The following CHTF18 variants were observed in gnomAD, a reference collection of about 807,000 sequenced individuals.
CHTF18 encodes chromosome transmission fidelity protein 18 homolog.
In CHTF18, 151 loss-of-function variants were observed where a neutral mutation model predicts 113.4. The ratio of observed to expected loss-of-function variants is 1.33; its 90% CI spans 1.17 to 1.52. CHTF18 has a LOEUF of 1.52. CHTF18 is among the 40% of genes most tolerant of loss of function. The probability of loss-of-function intolerance (pLI) is 0.00; values close to 1 mark genes in which losing one functional copy is unlikely to be tolerated. For synonymous variants in CHTF18, 916 were observed against 598.8 expected, an observed-to-expected ratio of 1.53 and a Z score of -7.74; for missense variants, 1,982 against 1,381.6, an observed-to-expected ratio of 1.43 and a Z score of -6.89.
intron 20 of CHTF18, 137 bp downstream of exon 20, chr16:797,229 T>C: frequency 9.9e-7 from 1 of 1,005,632 alleles, no homozygotes; most frequent in Non-Finnish European, 1.3e-6. Context: ...GGGCCCCTCA[T>C]GAGGCAGGGC....
chr16:795,476 CCGG>C (rs2042314690), intron 16 of CHTF18, 120 bp downstream of exon 16: 1 of 444,226 alleles, frequency 2.3e-6, no homozygotes, highest in African/African-American at 4.0e-5. Context: ...GTGGCTGCCC[CCGG>C]CCCCGTGCCC....
At chr16:793,561 CTGCTGTCCCAGT>C (rs2042259490) in intron 14 of CHTF18, 1 of 569,946 alleles carries the variant, frequency 1.8e-6, no homozygotes, top group African/African-American at 1.9e-5. Flanking sequence ...CTTGACTCAG[CTGCTGTCCCAGT>C]TGCACCCTCA....
rs2042242594 is a variant in CHTF18, at chr16:793,018, G to A, written c.1625G>A (p.Cys542Tyr). 1 of 1,517,032 alleles carries A rather than the reference G, an allele frequency of 6.6e-7. No homozygotes were observed. The highest frequency in any genetic ancestry group is 8.9e-7 in the Non-Finnish European group (1 of 1,124,364). The allele number at this position is 1,517,032 out of a possible 1,614,324, so 94.0% of individuals were successfully genotyped here. The change falls in exon 13 of 22, where the codon TGT becomes TAT. Residue 542 changes from cysteine to tyrosine, a missense_variant. Physicochemically the swap from Cys to Tyr is radical, Grantham distance 194. Transcript: ENST00000262315. ...RADPGVLAALCEKTDNDIRAC... is the reference protein window; with the variant it reads ...RADPGVLAALYEKTDNDIRAC... ...GACCCAGGGGTGCTGGCCGCCCTCTGTGAGAAAACTGACAATGACATCCGG... is the reference window on the plus strand; with the variant it reads ...GACCCAGGGGTGCTGGCCGCCCTCTATGAGAAAACTGACAATGACATCCGG...
Position 792,045 on chromosome 16 carries a change from G to C in CHTF18, c.1202+97G>C. The C allele has an allele frequency of 1.9e-6, 3 of 1,546,536 alleles. No individual in the cohort carries two copies. In the South Asian group the frequency reaches 3.6e-5, roughly 19 times the overall value. ...AACCGGGTGTGGATGTTCCCGTCTT[G>C]AGGGTGGTGGGGGCCTGGGTGTGTG... On this transcript the variant is annotated intron_variant, in intron 9 of 21. Transcript: ENST00000262315.
At chr16:790,105 C>T (rs970827397) in intron 4 of CHTF18, 72 bp from the exon 5 acceptor site, 6 of 1,542,048 alleles carry the variant, frequency 3.9e-6, no homozygotes, top group Middle Eastern at 1.7e-4. Flanking sequence ...GGTCCCTGAG[C>T]ACTGATGGGG....
Position 797,970 on chromosome 16 carries a change from C to G in CHTF18, c.2923C>G (p.Leu975Val), listed in dbSNP as rs1335252297. 3 of 1,610,400 alleles carry G rather than the reference C, an allele frequency of 1.9e-6. No individual in the cohort carries two copies. Among genetic ancestry groups the G allele is most frequent in the Non-Finnish European group, 8.5e-7 (1 of 1,178,456 alleles). The change falls in exon 22 of 22, where the codon CTC becomes GTC. Residue 975 changes from leucine to valine, a missense_variant. By Grantham distance (32) the Leu-to-Val change is conservative. Transcript: ENST00000262315. ...GCGCAGCCTGTACATCAGGGACTTG[C>G]TCTAGTTCTCTGAGCCGCGGACATG... is the stretch of plus-strand genomic sequence containing the variant. ...VRRSLYIRDLL is the reference protein window; with the variant it reads ...VRRSLYIRDLV
Position 797,687 on chromosome 16 carries a change from C to T in CHTF18, c.2734-7C>T, listed in dbSNP as rs745970337. ...CTATACGACTGACTAGTCCTTCCTC[C>T]CATCAGCCTGAGAAGGACTTCTTTG... On this transcript the variant is annotated splice_polypyrimidine_tract_variant and splice_region_variant and intron_variant, in intron 20 of 21. Transcript: ENST00000262315. 1.9e-5 allele frequency: 30 copies of T among 1,611,810 alleles called. No homozygotes were observed. The East Asian group carries it at 2.5e-4, about 13-fold the overall frequency.
intron 14 of CHTF18, chr16:793,740 G>GCTGGC (rs1567401043): frequency 1.5e-6 from 1 of 657,114 alleles, no homozygotes; most frequent in African/African-American, 1.8e-5. Context: ...TATGGGAGAC[G>GCTGGC]CTGGCCTGGG....
Position 792,120 on chromosome 16 carries a change from G to A in CHTF18, c.1203-104G>A, listed in dbSNP as rs539124210. 302 of 1,525,660 alleles carry A rather than the reference G, an allele frequency of 2.0e-4. 4 individuals carry two copies. In the South Asian group the frequency reaches 3.2e-3, roughly 16 times the overall value. 94.5% of individuals were successfully genotyped at this position (1,525,660 alleles called of 1,614,324 possible). A position where few individuals can be genotyped will look rare whatever the true frequency, so the allele number is the denominator to read the frequency against. On this transcript the variant is annotated intron_variant, in intron 9 of 21. Transcript: ENST00000262315. The stretch of plus-strand genomic sequence containing the variant: ...GGGGTTCACGGGATCGGCAGCAGCC[G>A]CGTCATGTGACGGTCTCCACGCAAA...
At position 789,238 on chromosome 16, in the gene CHTF18, G is replaced by C. The variant is rs1238891249; in HGVS notation, c.315G>C (p.Gln105His). Residue 105 changes from glutamine to histidine, a missense_variant, in exon 3 of 22, where the codon CAG (glutamine) becomes CAC (histidine). By Grantham distance (24) the Gln-to-His change is conservative. Coordinates refer to ENST00000262315, the MANE Select transcript of CHTF18 (RefSeq NM_022092.3). ...HAPRIKRPRL[Q>H]VVKRLNFRSE... ...CCAGGATCAAACGGCCTAGGCTGCA[G>C]GTGGTCAAGAGGCTGAACTTCAGAT... 1 of 1,554,526 alleles carries C rather than the reference G, an allele frequency of 6.4e-7. No homozygotes were observed.
In CHTF18 at chr16:797,737, C is replaced by T. The variant is rs1227284371; in HGVS notation, c.2777C>T (p.Ala926Val). ...GGACGTGTGGTCGTCAGGAGCACAG[C>T]AGTCCCGAGTGCAGGTGTGTGTGGG... The part of the protein sequence containing the change: ...FFGRVVVRST[A>V]VPSAGDTAPE... Residue 926 changes from alanine to valine, a missense_variant, in exon 21 of 22, where the codon GCA becomes GTA. Physicochemically the swap from Ala to Val is moderately conservative, Grantham distance 64 (BLOSUM62 0). Transcript: ENST00000262315. The T allele has an allele frequency of 6.2e-7, 1 of 1,603,272 alleles. No homozygotes were observed. Among genetic ancestry groups the T allele is most frequent in the Non-Finnish European group, 8.5e-7 (1 of 1,178,882 alleles).
intron 11 of CHTF18, 39 bp downstream of exon 11, chr16:792,629 T>C (rs755030257): frequency 2.5e-6 from 4 of 1,591,934 alleles, no homozygotes; most frequent in African/African-American, 2.7e-5. Flanking sequence ...GGAGAGGCTC[T>C]GGTGCCTGGA....
At chr16:792,872 G>A in intron 12 of CHTF18, 61 bp downstream of exon 12, 2 of 1,529,506 alleles carry the variant, frequency 1.3e-6, no homozygotes, top group South Asian at 1.2e-5. Context: ...GCCTCGTTCT[G>A]GCCCCTGTTT....
Position 790,661 on chromosome 16 carries a change from G to A in CHTF18, c.889G>A (p.Asp297Asn), listed in dbSNP as rs1206504188. 4 of 1,566,218 alleles carry A rather than the reference G, an allele frequency of 2.6e-6. No homozygotes were observed. The highest frequency in any genetic ancestry group is 2.2e-5 in the East Asian group (1 of 44,516). The stretch of plus-strand genomic sequence containing the variant: ...CCGCCACTACACGGAGCTGCTCAGT[G>A]ATGACGTGAGGTCTTGTTCTCACTC... ...APRHYTELLS[D>N]DFTNRCLLKW... is the part of the protein sequence containing the mutation. The change falls in exon 7 of 22, where the codon GAT becomes AAT. Residue 297 changes from aspartate (D) to asparagine (N), a missense_variant. Physicochemically the swap from Asp to Asn is conservative, Grantham distance 23. Transcript: ENST00000262315.
At chr16:793,752 C>T (rs1014449610) in intron 14 of CHTF18, 2 of 667,240 alleles carry the variant, frequency 3.0e-6, no homozygotes, top group Admixed American at 4.2e-5. Context: ...TGGCCTGGGC[C>T]TGTGGGATGT....
rs78237560 is a variant in CHTF18 at position 792,705 on chromosome 16, C to T, written c.1479-13C>T. ...CCAACCCTGGGGTCCCTGGCCCTGCCGCCTCTCCTCAGGTTCGCACCGTCC... is the reference window on the plus strand; with the variant it reads ...CCAACCCTGGGGTCCCTGGCCCTGCTGCCTCTCCTCAGGTTCGCACCGTCC... On this transcript the variant is annotated splice_polypyrimidine_tract_variant and intron_variant, in intron 11 of 21. Coordinates refer to ENST00000262315, the MANE Select transcript of CHTF18 (RefSeq NM_022092.3). The T allele has an allele frequency of 9.5e-3, 14,898 of 1,570,620 alleles. 843 individuals are homozygous for T. In the African/African-American group the frequency reaches 0.15, roughly 15 times the overall value.
intron 2 of CHTF18, 31 bp from the exon 3 acceptor site, chr16:789,179 G>A (rs1208923633): frequency 1.9e-6 from 3 of 1,550,100 alleles, no homozygotes; most frequent in Non-Finnish European, 2.6e-6. Context: ...GGCTGAGGAG[G>A]CCTCTGGTTC....
Position 794,208 on chromosome 16 carries a change from G to A in CHTF18, c.1950+7G>A, listed in dbSNP as rs376148322. 2.5e-6 allele frequency: 4 copies of A among 1,608,384 alleles called. No individual in the cohort carries two copies. The highest frequency in any genetic ancestry group is 3.4e-6 in the Non-Finnish European group (4 of 1,176,622). On this transcript the variant is annotated splice_region_variant and intron_variant, in intron 15 of 21. Coordinates refer to ENST00000262315, the MANE Select transcript of CHTF18 (RefSeq NM_022092.3). The stretch of plus-strand genomic sequence containing the variant: ...GCACGAGAAGGTGGTCCAGGTACCT[G>A]TCTTCCACCAAAATGCCTGCCTGGG...
In CHTF18 at chr16:790,593, A is replaced by C. The variant is rs754589959; in HGVS notation, c.821A>C (p.Gln274Pro). 5 of 1,597,846 alleles carry C rather than the reference A, an allele frequency of 3.1e-6. No homozygotes were observed. Among genetic ancestry groups the C allele is most frequent in the Non-Finnish European group, 2.6e-6 (3 of 1,173,294 alleles). The change falls in exon 7 of 22, where the codon CAA (glutamine) becomes CCA (proline). Residue 274 changes from glutamine to proline, a missense_variant. Transcript: ENST00000262315. ...CCTGAGGAGGAGCCGACTGACGGTCAAGACGCCTCCAGTCACTGCCTCTGG... is the reference window on the plus strand; with the variant it reads ...CCTGAGGAGGAGCCGACTGACGGTCCAGACGCCTCCAGTCACTGCCTCTGG... Reference protein sequence around the residue: ...GAPEEEPTDGQDASSHCLWVD... With the variant: ...GAPEEEPTDGPDASSHCLWVD...
Sources: allele counts gnomAD v4.1 joint callset, GRCh38; gene constraint gnomAD v4.1.1; transcripts MANE v1.5; gene names NCBI Gene and HGNC (gene_info 2026-07-23, HGNC 2026-07-21).